The following SGCD variants were observed in gnomAD, a reference collection of about 807,000 sequenced individuals.
SGCD encodes the protein sarcoglycan delta, also known as delta-sarcoglycan.
SGCD carries 18 observed loss-of-function variants against 36.6 expected under a neutral mutation model. The ratio of observed to expected loss-of-function variants is 0.49; its 90% CI spans 0.34 to 0.73. The LOEUF (loss-of-function observed/expected upper bound fraction) is 0.73, where lower values mean the gene tolerates loss of function less well. Among genes scored for constraint, SGCD ranks in the 30% least tolerant of loss-of-function variants. The probability of loss-of-function intolerance (pLI) is 0.01; values close to 1 mark genes in which losing one functional copy is unlikely to be tolerated. For missense variants in SGCD, 387 were observed against 346.7 expected (o/e 1.12, Z -0.92); for synonymous variants, 133 against 130.6 (o/e 1.02, Z -0.12).
chr5:155,909,649 A>G (rs1329051778), intron 1 of SGCD, among the ~76,000 whole-genome samples: 1 of 152,152 alleles, frequency 6.6e-6, no homozygotes, highest in Non-Finnish European at 1.5e-5. Flanking sequence ...GCATGGAAAG[A>G]GCTTCTGAGA....
chr5:155,868,038 A>G (rs1203038384), upstream of SGCD, among the ~76,000 whole-genome samples: 1 of 151,940 alleles, frequency 6.6e-6, no homozygotes, highest in African/African-American at 2.4e-5. Context: ...GTTGCAGAGT[A>G]TGAGAACTGA....
At chr5:155,914,406 A>T (rs1756695458) in intron 1 of SGCD, among the ~76,000 whole-genome samples, 1 of 152,170 alleles carries the variant, frequency 6.6e-6, no homozygotes, top group Non-Finnish European at 1.5e-5. Context: ...AAGTGCTGAG[A>T]GCCAAGTGCT....
intron 1 of SGCD, among the ~76,000 whole-genome samples, chr5:156,070,995 T>G (rs567606820): frequency 1.3e-5 from 2 of 152,314 alleles, no homozygotes; most frequent in African/African-American, 4.8e-5. Flanking sequence ...TATCATTTTT[T>G]ATTGCATCTA....
chr5:156,628,284 G>A (rs746603999), intron 6 of SGCD, among the ~76,000 whole-genome samples: 4 of 152,204 alleles, frequency 2.6e-5, no homozygotes, highest in Admixed American at 2.0e-4. Context: ...ATTGAGGATT[G>A]CAATTCAACA....
At chr5:155,822,760 T>C in the SGCD span, among the ~76,000 whole-genome samples, 1 of 152,370 alleles carries the variant, frequency 6.6e-6, no homozygotes, top group African/African-American at 2.4e-5. Flanking sequence ...GGGATTCACA[T>C]ATAGCAAATG....
intron 7 of SGCD, among the ~76,000 whole-genome samples, chr5:156,651,140 A>G (rs758146535): frequency 5.3e-5 from 8 of 151,944 alleles, no homozygotes; most frequent in Non-Finnish European, 1.2e-4. Flanking sequence ...CCACTTTTTA[A>G]TGGGGTTGTT....
chr5:155,920,650 A>G (rs1051038160), intron 1 of SGCD, among the ~76,000 whole-genome samples: 1 of 152,182 alleles, frequency 6.6e-6, no homozygotes. Context: ...CCGAAATTTG[A>G]GGCTCTTGCC....
At chr5:156,412,050 A>C (rs1313392928) in intron 3 of SGCD, among the ~76,000 whole-genome samples, 6 of 152,240 alleles carry the variant, frequency 3.9e-5, no homozygotes, top group African/African-American at 1.2e-4. Flanking sequence ...AATCCAACTA[A>C]TAATTTTTAG....
chr5:156,046,935 A>G (rs1263150442), intron 1 of SGCD, among the ~76,000 whole-genome samples: 1 of 152,180 alleles, frequency 6.6e-6, no homozygotes, highest in Non-Finnish European at 1.5e-5. Context: ...TGCAAAGGAA[A>G]AGTTTCTGAA....
intron 3 of SGCD, among the ~76,000 whole-genome samples, chr5:156,171,528 A>G (rs554447266): frequency 4.0e-4 from 61 of 152,324 alleles, no homozygotes; most frequent in African/African-American, 1.4e-3. Flanking sequence ...AGTTAGACAT[A>G]TTGGGAAAAT....
At chr5:156,518,155 C>G (rs1393383867) in intron 4 of SGCD, among the ~76,000 whole-genome samples, 1 of 152,028 alleles carries the variant, frequency 6.6e-6, no homozygotes, top group Non-Finnish European at 1.5e-5. Context: ...ATTTACCAAG[C>G]AAATGGAAAA....
At chr5:156,210,959 T>A (rs2127640816) in intron 3 of SGCD, among the ~76,000 whole-genome samples, 1 of 151,956 alleles carries the variant, frequency 6.6e-6, no homozygotes, top group South Asian at 2.1e-4. Flanking sequence ...TACAGGAAAG[T>A]CAAATAAAAT....
chr5:156,417,876 A>G (rs1037112413), intron 3 of SGCD, among the ~76,000 whole-genome samples: 10 of 152,130 alleles, frequency 6.6e-5, no homozygotes, highest in Non-Finnish European at 1.5e-4. Context: ...ATCATAATAC[A>G]TTGTCTGGCC....
chr5:156,459,106 CA>C (rs1049443850), intron 3 of SGCD, among the ~76,000 whole-genome samples: 2 of 152,116 alleles, frequency 1.3e-5, no homozygotes, highest in African/African-American at 2.4e-5. Context: ...TGAGTCCAAG[CA>C]CCCTGAATAA....
At chr5:156,702,005 A>G (rs969544546) in intron 7 of SGCD, among the ~76,000 whole-genome samples, 8 of 152,184 alleles carry the variant, frequency 5.3e-5, no homozygotes, top group African/African-American at 1.9e-4. Flanking sequence ...GTCAGATTAT[A>G]TTAGGGTTGC....
chr5:156,452,026 C>T (rs1252411605), intron 3 of SGCD, among the ~76,000 whole-genome samples: 4 of 152,062 alleles, frequency 2.6e-5, no homozygotes, highest in African/African-American at 4.8e-5. Flanking sequence ...CTTCCCTTGC[C>T]CATGGTCACA....
At chr5:155,899,598 G>C (rs244971) in intron 1 of SGCD, among the ~76,000 whole-genome samples, 138,809 of 152,218 alleles carry the variant, frequency 0.91, 63,424 homozygotes, top group African/African-American at 0.96. Context: ...GATTAGAAAC[G>C]TCAAGAAAAA....
intron 4 of SGCD, among the ~76,000 whole-genome samples, chr5:156,519,994 T>C (rs1460375426): frequency 6.6e-6 from 1 of 152,040 alleles, no homozygotes. Context: ...CTATTCAACA[T>C]AGTATTGGAA....
chr5:156,403,836 T>A (rs573075687), intron 3 of SGCD, among the ~76,000 whole-genome samples: 16 of 93,386 alleles, frequency 1.7e-4, no homozygotes, highest in African/African-American at 7.9e-4. Context: ...CTGACATATT[T>A]TTTTTTCTTT....
Sources: allele counts gnomAD v4.1 joint callset (sites outside exome capture counted in the v4.1 genomes callset), GRCh38; gene constraint gnomAD v4.1.1; transcripts MANE v1.5; gene names NCBI Gene and HGNC (gene_info 2026-07-23, HGNC 2026-07-21).